ARHGAP24: variants seen among roughly 807,000 people sequenced by gnomAD.
The protein encoded by ARHGAP24 is rho GTPase-activating protein 24.
A neutral mutation model predicts 76.4 loss-of-function variants in ARHGAP24; 50 were observed. That is an observed-to-expected ratio of 0.65 (90% CI 0.52 to 0.83). The LOEUF (loss-of-function observed/expected upper bound fraction) is 0.83, where lower values mean the gene tolerates loss of function less well. Ranked by LOEUF, ARHGAP24 falls within the 40% of genes least tolerant of loss-of-function variation. ARHGAP24 has a pLI of 0.00. For missense variants in ARHGAP24, 930 were observed against 914.2 expected (o/e 1.02, Z -0.22); for synonymous variants, 345 against 323.3 (o/e 1.07, Z -0.72).
intron 2 of ARHGAP24, among the ~76,000 whole-genome samples, chr4:85,713,621 T>C (rs1724616228): frequency 1.4e-5 from 2 of 145,146 alleles, no homozygotes; most frequent in South Asian, 4.7e-4. Flanking sequence ...TCAAGATCAA[T>C]TGTGTCTCTG....
At chr4:85,799,017 A>G (rs975330500) in intron 3 of ARHGAP24, among the ~76,000 whole-genome samples, 4 of 152,210 alleles carry the variant, frequency 2.6e-5, no homozygotes, top group East Asian at 3.8e-4. Context: ...GAACCACCCT[A>G]TGGTACTGAA....
intron 2 of ARHGAP24, among the ~76,000 whole-genome samples, chr4:85,617,469 C>A (rs1466490607): frequency 6.6e-6 from 1 of 151,880 alleles, no homozygotes; most frequent in Non-Finnish European, 1.5e-5. Flanking sequence ...TATAAAGCAG[C>A]TACACACTAT....
At chr4:85,817,326 A>G (rs957682790) in intron 3 of ARHGAP24, among the ~76,000 whole-genome samples, 6 of 152,208 alleles carry the variant, frequency 3.9e-5, no homozygotes, top group Non-Finnish European at 8.8e-5. Context: ...GATATCCAAA[A>G]AAATTATTGC....
intron 3 of ARHGAP24, among the ~76,000 whole-genome samples, chr4:85,805,064 A>G (rs1029376001): frequency 6.6e-6 from 1 of 152,206 alleles, no homozygotes; most frequent in Non-Finnish European, 1.5e-5. Context: ...AGTTTATTTG[A>G]GCTACAAGTT....
intron 2 of ARHGAP24, among the ~76,000 whole-genome samples, chr4:85,665,535 G>A (rs1403707150): frequency 1.3e-5 from 2 of 152,160 alleles, no homozygotes; most frequent in African/African-American, 4.8e-5. Context: ...ATATTGTGAT[G>A]TGTGAATTTG....
chr4:85,791,566 A>G (rs886887816), intron 3 of ARHGAP24, among the ~76,000 whole-genome samples: 1 of 152,188 alleles, frequency 6.6e-6, no homozygotes, highest in Non-Finnish European at 1.5e-5. Flanking sequence ...GCTTTGACCA[A>G]TGAAGAATGA....
chr4:85,959,600 G>A (rs955015830), intron 5 of ARHGAP24, among the ~76,000 whole-genome samples: 5 of 152,178 alleles, frequency 3.3e-5, no homozygotes, highest in East Asian at 3.9e-4. Flanking sequence ...TTATTCATCC[G>A]TCAGTTGGTA....
At chr4:85,994,050 C>A (rs552469504) in intron 8 of ARHGAP24, among the ~76,000 whole-genome samples, 1 of 152,238 alleles carries the variant, frequency 6.6e-6, no homozygotes, top group African/African-American at 2.4e-5. Context: ...TTTTCATTAT[C>A]TTGATATATT....
At chr4:85,795,555 C>T (rs1427016051) in intron 3 of ARHGAP24, among the ~76,000 whole-genome samples, 2 of 151,976 alleles carry the variant, frequency 1.3e-5, no homozygotes, top group Non-Finnish European at 2.9e-5. Context: ...TTATGGGGGT[C>T]CTTCTTGTAT....
At chr4:85,616,532 G>A (rs1720542471) in intron 2 of ARHGAP24, among the ~76,000 whole-genome samples, 1 of 152,036 alleles carries the variant, frequency 6.6e-6, no homozygotes, top group Admixed American at 6.6e-5. Flanking sequence ...AAAAATAGAA[G>A]TTACAGAGGT....
intron 2 of ARHGAP24, among the ~76,000 whole-genome samples, chr4:85,696,927 GATGA>G (rs1723889532): frequency 6.6e-6 from 1 of 152,212 alleles, no homozygotes; most frequent in South Asian, 2.1e-4. Context: ...CATTGAAAGG[GATGA>G]GTAATGACAG....
At chr4:85,741,636 TGG>T (rs560925474) in intron 3 of ARHGAP24, among the ~76,000 whole-genome samples, 4 of 152,206 alleles carry the variant, frequency 2.6e-5, no homozygotes, top group African/African-American at 7.2e-5. Context: ...TACCTGGATG[TGG>T]GCCATTTTCT....
chr4:85,596,969 GT>G (rs1167539387), intron 2 of ARHGAP24, among the ~76,000 whole-genome samples: 1 of 151,912 alleles, frequency 6.6e-6, no homozygotes, highest in Admixed American at 6.6e-5. Flanking sequence ...TAAATCCATC[GT>G]TTGTAAACAA....
chr4:85,798,420 C>A (rs899706361), intron 3 of ARHGAP24, among the ~76,000 whole-genome samples: 1 of 152,080 alleles, frequency 6.6e-6, no homozygotes, highest in African/African-American at 2.4e-5. Flanking sequence ...CAAGAAGGAG[C>A]TTTTTGGAGT....
At chr4:85,629,469 ATTGT>A (rs1167702780) in intron 2 of ARHGAP24, among the ~76,000 whole-genome samples, 4 of 152,060 alleles carry the variant, frequency 2.6e-5, no homozygotes, top group Non-Finnish European at 4.4e-5. Flanking sequence ...ATGTTTTCAC[ATTGT>A]TTGTTAGCAT....
At chr4:85,596,016 C>T (rs1051360333) in intron 2 of ARHGAP24, among the ~76,000 whole-genome samples, 1 of 151,804 alleles carries the variant, frequency 6.6e-6, no homozygotes, top group African/African-American at 2.4e-5. Flanking sequence ...CATGTAGATA[C>T]GTTCATCAGG....
chr4:85,757,303 G>T (rs369021721), intron 3 of ARHGAP24, among the ~76,000 whole-genome samples: 1 of 150,168 alleles, frequency 6.7e-6, no homozygotes, highest in African/African-American at 2.5e-5. Flanking sequence ...TGCCATGTTG[G>T]TGTGCTGCAC....
chr4:85,602,131 A>G (rs1720049650), intron 2 of ARHGAP24, among the ~76,000 whole-genome samples: 1 of 152,282 alleles, frequency 6.6e-6, no homozygotes, highest in East Asian at 1.9e-4. Flanking sequence ...TATTTCCAGA[A>G]TTTTATCTTT....
intron 3 of ARHGAP24, among the ~76,000 whole-genome samples, chr4:85,795,359 G>C (rs1728300475): frequency 6.6e-6 from 1 of 152,070 alleles, no homozygotes; most frequent in South Asian, 2.1e-4. Flanking sequence ...ATGGTGTATT[G>C]GTTGTAGATT....
Sources: gnomAD v4.1 joint callset for allele counts (sites outside exome capture counted in the v4.1 genomes callset) on GRCh38, gnomAD v4.1.1 for gene constraint, MANE v1.5 for transcripts, NCBI Gene and HGNC (gene_info 2026-07-23, HGNC 2026-07-21) for gene names.